The following LUZP2 variants were observed in gnomAD, a reference collection of about 807,000 sequenced individuals.
The protein encoded by LUZP2 is leucine zipper protein 2.
LUZP2 carries 52 observed loss-of-function variants against 51.6 expected under a neutral mutation model. That is an observed-to-expected ratio of 1.01 (90% confidence interval 0.81 to 1.27). LUZP2 has a LOEUF of 1.27. Ranked by LOEUF, LUZP2 falls within the 50% of genes most tolerant of loss-of-function variation. LUZP2 has a pLI of 0.00. For missense variants in LUZP2, 436 were observed against 395.4 expected, an observed-to-expected ratio of 1.10 and a Z score of -0.87; for synonymous variants, 154 against 137.3, an observed-to-expected ratio of 1.12 and a Z score of -0.85.
chr11:24,558,926 G>A (rs1424681486), intron 1 of LUZP2, among the ~76,000 whole-genome samples: 1 of 152,082 alleles, frequency 6.6e-6, no homozygotes, highest in Non-Finnish European at 1.5e-5. Flanking sequence ...AATTTTGGTT[G>A]TTTATAAATT....
chr11:24,919,678 T>C (rs895082020), intron 7 of LUZP2, among the ~76,000 whole-genome samples: 9 of 149,468 alleles, frequency 6.0e-5, no homozygotes, highest in African/African-American at 2.2e-4. Context: ...ATATATATAA[T>C]GATTTAAATT....
intron 5 of LUZP2, among the ~76,000 whole-genome samples, chr11:24,764,982 C>A (rs1045749879): frequency 1.3e-5 from 2 of 152,018 alleles, no homozygotes; most frequent in Non-Finnish European, 2.9e-5. Context: ...ATAATATCTG[C>A]TAAATATGAG....
chr11:24,540,328 T>C (rs547295739), intron 1 of LUZP2, among the ~76,000 whole-genome samples: 3 of 152,224 alleles, frequency 2.0e-5, no homozygotes, highest in Admixed American at 2.0e-4. Context: ...AATATGATGG[T>C]ATTTGGAGAT....
intron 1 of LUZP2, among the ~76,000 whole-genome samples, chr11:24,591,590 A>G (rs558533644): frequency 2.0e-4 from 31 of 152,290 alleles, no homozygotes; most frequent in Non-Finnish European, 4.1e-4. Flanking sequence ...TTTGCCTGTT[A>G]ATATGCTTCT....
At chr11:24,771,341 C>T (rs1357853467) in intron 5 of LUZP2, among the ~76,000 whole-genome samples, 1 of 122,906 alleles carries the variant, frequency 8.1e-6, no homozygotes, top group Admixed American at 8.2e-5. Flanking sequence ...TGATGGAGTA[C>T]TCAATAGTGT....
intron 5 of LUZP2, among the ~76,000 whole-genome samples, chr11:24,846,298 G>T (rs557524196): frequency 5.2e-4 from 79 of 152,050 alleles, no homozygotes; most frequent in Non-Finnish European, 8.4e-4. Flanking sequence ...TGTTTCCATT[G>T]TCAGAAGCTA....
intron 5 of LUZP2, among the ~76,000 whole-genome samples, chr11:24,870,944 T>G (rs1590666337): frequency 1.3e-5 from 2 of 152,092 alleles, no homozygotes. Flanking sequence ...TTAACCATTT[T>G]TTTGGTAGAA....
intron 5 of LUZP2, among the ~76,000 whole-genome samples, chr11:24,794,867 C>A (rs887605441): frequency 6.6e-6 from 1 of 151,964 alleles, no homozygotes; most frequent in Non-Finnish European, 1.5e-5. Flanking sequence ...TTCAAAATAA[C>A]CTTGTTAACA....
chr11:24,963,539 G>A lies in LUZP2; in HGVS notation c.523-13052G>A, dbSNP rs568008230. 1.7e-3 allele frequency among the ~76,000 whole-genome samples: 264 copies of A among 152,264 alleles called. 2 individuals are homozygous for A. Among genetic ancestry groups the A allele is most frequent in the African/African-American group, 6.2e-3 (256 of 41,560 alleles). On this transcript the variant is annotated intron_variant, in intron 7 of 11. Coordinates refer to ENST00000336930, the MANE Select transcript of LUZP2 (RefSeq NM_001009909.4). ...TCAGACTGCTGTGCTAGCAACCAGC[G>A]AGACTCCGTGGGCATAGGACCCTCC...
At chr11:24,553,334 T>C (rs960099727) in intron 1 of LUZP2, among the ~76,000 whole-genome samples, 5 of 151,982 alleles carry the variant, frequency 3.3e-5, no homozygotes, top group Non-Finnish European at 2.9e-5. Flanking sequence ...ATTTAGAACC[T>C]ACATGGATTA....
intron 7 of LUZP2, among the ~76,000 whole-genome samples, chr11:24,937,900 CAA>C (rs1160488593): frequency 1.3e-4 from 14 of 106,878 alleles, no homozygotes; most frequent in Admixed American, 3.0e-4. Flanking sequence ...GATTCCCTCT[CAA>C]AAAAAAAAAA....
chr11:24,774,222 C>T (rs1006999307), intron 5 of LUZP2, among the ~76,000 whole-genome samples: 8 of 151,124 alleles, frequency 5.3e-5, no homozygotes, highest in Admixed American at 1.3e-4. Flanking sequence ...GAACATTAGA[C>T]TTCAAATTCT....
intron 1 of LUZP2, among the ~76,000 whole-genome samples, chr11:24,674,689 T>C (rs1856491679): frequency 6.6e-6 from 1 of 152,116 alleles, no homozygotes; most frequent in African/African-American, 2.4e-5. Context: ...AAAATGCTAC[T>C]GCCCATGGAC....
intron 1 of LUZP2, among the ~76,000 whole-genome samples, chr11:24,566,746 G>A (rs1852239641): frequency 6.9e-6 from 1 of 144,780 alleles, no homozygotes; most frequent in East Asian, 2.0e-4. Flanking sequence ...TATATATAAT[G>A]TATGTATACA....
intron 1 of LUZP2, among the ~76,000 whole-genome samples, chr11:24,670,563 A>G (rs1856371830): frequency 6.6e-6 from 1 of 151,978 alleles, no homozygotes; most frequent in Non-Finnish European, 1.5e-5. Context: ...AGTTCTTTCT[A>G]ATAGGCTGTT....
chr11:24,976,230 G>T (rs914466624), intron 7 of LUZP2, among the ~76,000 whole-genome samples: 2 of 151,862 alleles, frequency 1.3e-5, no homozygotes, highest in African/African-American at 4.8e-5. Flanking sequence ...GGCCTTCAAC[G>T]TATAAATTTT....
chr11:24,969,737 A>T (rs12366232), intron 7 of LUZP2, among the ~76,000 whole-genome samples: 57,119 of 152,048 alleles, frequency 0.38, 12,804 homozygotes, highest in East Asian at 0.72. Flanking sequence ...TTAAGAAATT[A>T]CGTCTCCATC....
intron 5 of LUZP2, among the ~76,000 whole-genome samples, chr11:24,834,646 T>C (rs558038331): frequency 6.6e-6 from 1 of 152,206 alleles, no homozygotes. Flanking sequence ...TATTTCTGGT[T>C]CTAGATCCTT....
chr11:24,646,276 C>A (rs1200353074), intron 1 of LUZP2, among the ~76,000 whole-genome samples: 1 of 151,900 alleles, frequency 6.6e-6, no homozygotes, highest in East Asian at 1.9e-4. Flanking sequence ...TTCAAAAAAC[C>A]AAATTATTTT....
Sources: allele counts gnomAD v4.1 joint callset (sites outside exome capture counted in the v4.1 genomes callset), GRCh38; gene constraint gnomAD v4.1.1; transcripts MANE v1.5; gene names NCBI Gene and HGNC (gene_info 2026-07-23, HGNC 2026-07-21).